NLK: variants seen among roughly 807,000 people sequenced by gnomAD.
The protein encoded by NLK is serine/threonine-protein kinase NLK.
NLK carries 11 observed loss-of-function variants against 59.0 expected under a neutral mutation model. The ratio of observed to expected loss-of-function variants is 0.19; its 90% CI spans 0.12 to 0.31. The LOEUF is 0.31. Among genes scored for constraint, NLK ranks in the 10% least tolerant of loss-of-function variants. The probability of loss-of-function intolerance (pLI) is 1.00; values close to 1 mark genes in which losing one functional copy is unlikely to be tolerated. For missense variants in NLK, 410 were observed against 661.1 expected (o/e 0.62, Z 4.16); for synonymous variants, 235 against 235.9 (o/e 1.00, Z 0.03).
chr17:28,066,527 A>G (rs1909829663), intron 1 of NLK, among the ~76,000 whole-genome samples: 2 of 152,230 alleles, frequency 1.3e-5, no homozygotes. Context: ...GTTGATGGAC[A>G]TTTAGGTTGT....
intron 8 of NLK, among the ~76,000 whole-genome samples, chr17:28,186,562 T>G (rs748914851): frequency 7.9e-5 from 12 of 152,202 alleles, no homozygotes; most frequent in African/African-American, 2.9e-4. Flanking sequence ...AACCTTAAAG[T>G]TCCACATGGC....
At chr17:28,152,937 G>C (rs1376457696) in intron 3 of NLK, among the ~76,000 whole-genome samples, 1 of 151,600 alleles carries the variant, frequency 6.6e-6, no homozygotes, top group African/African-American at 2.4e-5. Context: ...GGTACGTCAG[G>C]ATTTTTTTAT....
intron 1 of NLK, among the ~76,000 whole-genome samples, chr17:28,102,970 T>G (rs895825994): frequency 2.6e-5 from 4 of 152,238 alleles, no homozygotes; most frequent in Non-Finnish European, 5.9e-5. Flanking sequence ...CTCTTATGTC[T>G]GTCTTTCTGC....
chr17:28,167,842 AT>A (rs1281820865), intron 5 of NLK, among the ~76,000 whole-genome samples: 1 of 152,064 alleles, frequency 6.6e-6, no homozygotes, highest in Non-Finnish European at 1.5e-5. Context: ...AAAAAAATAA[AT>A]AAAGTCGTTT....
chr17:28,184,714 G>A lies in NLK; in HGVS notation c.1150-465G>A, dbSNP rs141192377. 7.2e-3 allele frequency among the ~76,000 whole-genome samples: 1,099 copies of A among 152,274 alleles called. 8 individuals carry two copies. Among genetic ancestry groups the A allele is most frequent in the Middle Eastern group, 0.021 (6 of 292 alleles). On this transcript the variant is annotated intron_variant, in intron 7 of 10. Transcript: ENST00000407008. The stretch of plus-strand genomic sequence containing the variant: ...TGTAATCCCAGCACTTTGGGAGGCC[G>A]AGGCAGGCAGATCACTTGAGGTCAG...
At chr17:28,164,648 C>G (rs1236818931) in intron 5 of NLK, among the ~76,000 whole-genome samples, 1 of 152,044 alleles carries the variant, frequency 6.6e-6, no homozygotes, top group Non-Finnish European at 1.5e-5. Flanking sequence ...TGTGTATTGG[C>G]AGAACTCTTG....
chr17:28,133,534 TA>T (rs1364903418), intron 3 of NLK, among the ~76,000 whole-genome samples: 1 of 152,114 alleles, frequency 6.6e-6, no homozygotes, highest in Non-Finnish European at 1.5e-5. Flanking sequence ...TCCATGGTAA[TA>T]ATAAAATAAT....
chr17:28,190,415 A>G (rs1006999378), intron 8 of NLK, among the ~76,000 whole-genome samples: 5 of 152,184 alleles, frequency 3.3e-5, no homozygotes, highest in Non-Finnish European at 7.3e-5. Flanking sequence ...TCAAGAACAC[A>G]GTGAGACCCC....
intron 1 of NLK, among the ~76,000 whole-genome samples, chr17:28,084,455 C>T (rs1280360100): frequency 6.6e-6 from 1 of 152,188 alleles, no homozygotes; most frequent in African/African-American, 2.4e-5. Flanking sequence ...AAGAACCCAG[C>T]CTCCTAAGTG....
intron 1 of NLK, among the ~76,000 whole-genome samples, chr17:28,092,220 T>C (rs1264099974): frequency 7.2e-6 from 1 of 138,792 alleles, no homozygotes; most frequent in Non-Finnish European, 1.5e-5. Flanking sequence ...GCATTAAGAC[T>C]GGTGTGTTGC....
intron 3 of NLK, among the ~76,000 whole-genome samples, chr17:28,159,414 G>C (rs187936211): frequency 1.0e-3 from 159 of 152,240 alleles, no homozygotes; most frequent in African/African-American, 3.7e-3. Flanking sequence ...AAAATATTCA[G>C]TGTAGATTCT....
intron 1 of NLK, among the ~76,000 whole-genome samples, chr17:28,064,186 T>TC (rs1363229275): frequency 6.7e-6 from 1 of 149,866 alleles, no homozygotes; most frequent in Non-Finnish European, 1.5e-5. Flanking sequence ...TTTTTTTTTT[T>TC]TTTTTTTTTT....
At chr17:28,191,731 C>T (rs1359713744) in intron 9 of NLK, among the ~76,000 whole-genome samples, 1 of 152,074 alleles carries the variant, frequency 6.6e-6, no homozygotes, top group Non-Finnish European at 1.5e-5. Context: ...AGAGTAGTCC[C>T]CAAAGTAACC....
intron 1 of NLK, among the ~76,000 whole-genome samples, chr17:28,106,630 T>G (rs921007682): frequency 1.3e-5 from 2 of 152,238 alleles, no homozygotes; most frequent in African/African-American, 4.8e-5. Flanking sequence ...ATGCACAGAT[T>G]TGAATACACA....
chr17:28,183,299 T>C (rs1223105041), intron 7 of NLK, among the ~76,000 whole-genome samples: 2 of 152,198 alleles, frequency 1.3e-5, no homozygotes, highest in African/African-American at 2.4e-5. Flanking sequence ...CAGGGGTCAT[T>C]ACTCCTACAG....
At chr17:28,130,578 C>G (rs1906475068) in intron 2 of NLK, among the ~76,000 whole-genome samples, 1 of 152,116 alleles carries the variant, frequency 6.6e-6, no homozygotes, top group Non-Finnish European at 1.5e-5. Flanking sequence ...TCTTCTCTAT[C>G]AAGGTTTAAT....
chr17:28,117,982 G>C (rs556557817), intron 1 of NLK, among the ~76,000 whole-genome samples: 5 of 152,198 alleles, frequency 3.3e-5, no homozygotes. Context: ...AGAAATAAAA[G>C]TAAATTTCTT....
chr17:28,109,044 G>A (rs1355592929), intron 1 of NLK, among the ~76,000 whole-genome samples: 3 of 152,094 alleles, frequency 2.0e-5, no homozygotes, highest in African/African-American at 4.8e-5. Context: ...GGTGGTGGGC[G>A]CCTGTAGTCC....
intron 7 of NLK, among the ~76,000 whole-genome samples, chr17:28,176,403 A>G (rs1432667286): frequency 6.6e-6 from 1 of 152,258 alleles, no homozygotes; most frequent in Non-Finnish European, 1.5e-5. Context: ...ATTTTTGTTC[A>G]TAATTTCTAA....
Sources: gnomAD v4.1 joint callset for allele counts (sites outside exome capture counted in the v4.1 genomes callset) on GRCh38, gnomAD v4.1.1 for gene constraint, MANE v1.5 for transcripts, NCBI Gene and HGNC (gene_info 2026-07-23, HGNC 2026-07-21) for gene names.